Variants in SCP2 observed in about 807,000 individuals in gnomAD.
SCP2 encodes the protein SCP-2/3-oxoacyl-CoA thiolase.
In SCP2, 48 loss-of-function variants were observed where a neutral mutation model predicts 71.4. The observed-to-expected ratio is 0.67, with a 90% CI of 0.53 to 0.86. The LOEUF is 0.86. Ranked by LOEUF, SCP2 falls within the 40% of genes least tolerant of loss-of-function variation. SCP2 has a pLI of 0.00. For missense variants in SCP2, 560 were observed against 655.6 expected, an observed-to-expected ratio of 0.85 and a Z score of 1.59; for synonymous variants, 220 against 218.1, an observed-to-expected ratio of 1.01 and a Z score of -0.08.
At chr1:53,024,094 T>C (rs1374697783) in intron 12 of SCP2, among the ~76,000 whole-genome samples, 2 of 152,204 alleles carry the variant, frequency 1.3e-5, no homozygotes, top group Non-Finnish European at 1.5e-5. Context: ...CTGTTCTGAT[T>C]TGTTCATCTT....
intron 12 of SCP2, among the ~76,000 whole-genome samples, chr1:53,027,255 A>G (rs1662198722): frequency 6.6e-6 from 1 of 152,048 alleles, no homozygotes. Flanking sequence ...GGGTTTCAAC[A>G]TGTTGCCCAG....
chr1:53,019,204 G>A (rs2150233696), intron 12 of SCP2, among the ~76,000 whole-genome samples: 1 of 152,246 alleles, frequency 6.6e-6, no homozygotes, highest in Non-Finnish European at 1.5e-5. Context: ...CTGAAAAGTT[G>A]CTGTTCTTTT....
intron 10 of SCP2, among the ~76,000 whole-genome samples, chr1:52,982,700 A>G (rs7544995): frequency 0.31 from 47,061 of 152,126 alleles, 12,025 homozygotes; most frequent in African/African-American, 0.7. Flanking sequence ...CCTTGCAACC[A>G]TATAGGTCCA....
chr1:52,943,380 G>A (rs1229439529), intron 2 of SCP2, among the ~76,000 whole-genome samples: 5 of 151,928 alleles, frequency 3.3e-5, no homozygotes, highest in Non-Finnish European at 5.9e-5. Context: ...CCCCCACCTT[G>A]CCCAGCTAAT....
chr1:52,975,235 C>T (rs1657852945), intron 7 of SCP2, among the ~76,000 whole-genome samples: 1 of 151,910 alleles, frequency 6.6e-6, no homozygotes, highest in African/African-American at 2.4e-5. Flanking sequence ...GGCTGGAATG[C>T]AGTGGCATGA....
intron 6 of SCP2, among the ~76,000 whole-genome samples, chr1:52,973,636 C>T (rs1348047263): frequency 6.6e-6 from 1 of 152,166 alleles, no homozygotes; most frequent in Non-Finnish European, 1.5e-5. Context: ...TGCAATGGCA[C>T]AATCTCGGCT....
chr1:52,982,309 G>GC (rs1250111701), intron 10 of SCP2, among the ~76,000 whole-genome samples: 1 of 152,178 alleles, frequency 6.6e-6, no homozygotes, highest in Non-Finnish European at 1.5e-5. Flanking sequence ...GGTGGCTCAG[G>GC]CCTATAATCC....
chr1:52,944,797 G>A (rs572589082), intron 2 of SCP2, among the ~76,000 whole-genome samples: 22 of 151,936 alleles, frequency 1.4e-4, no homozygotes, highest in African/African-American at 4.6e-4. Context: ...CGAGGTGGGC[G>A]GAGCACCTGA....
At chr1:52,927,748 G>C (rs1652600983) in intron 1 of SCP2, among the ~76,000 whole-genome samples, 2 of 152,146 alleles carry the variant, frequency 1.3e-5, no homozygotes, top group South Asian at 4.2e-4. Context: ...GGAGTCCCGA[G>C]GTGTGTGGGC....
chr1:52,966,325 T>A (rs1390374131), intron 6 of SCP2, among the ~76,000 whole-genome samples: 1 of 151,922 alleles, frequency 6.6e-6, no homozygotes, highest in Non-Finnish European at 1.5e-5. Flanking sequence ...GGGTATTGAA[T>A]TTTGTAGCTT....
At chr1:52,981,304 T>C in intron 10 of SCP2, among the ~76,000 whole-genome samples, 1 of 152,358 alleles carries the variant, frequency 6.6e-6, no homozygotes, top group South Asian at 2.1e-4. Context: ...CCTGTGCTGA[T>C]AATGACAGCC....
chr1:53,038,558 C>A (rs1375642398), intron 13 of SCP2, among the ~76,000 whole-genome samples: 1 of 152,032 alleles, frequency 6.6e-6, no homozygotes, highest in African/African-American at 2.4e-5. Flanking sequence ...GCATGCACCA[C>A]CATGCCTGGC....
At chr1:52,944,126 C>CT (rs1434174092) in intron 2 of SCP2, among the ~76,000 whole-genome samples, 7 of 152,120 alleles carry the variant, frequency 4.6e-5, no homozygotes, top group African/African-American at 1.7e-4. Flanking sequence ...ACCTGGAGAC[C>CT]TTCTCTTTCA....
At chr1:52,929,959 G>A (rs1652987987) in intron 1 of SCP2, among the ~76,000 whole-genome samples, 2 of 152,112 alleles carry the variant, frequency 1.3e-5, no homozygotes, top group Admixed American at 6.5e-5. Context: ...CACAGCTGCC[G>A]TCTGGCTGAC....
At chr1:52,974,228 C>T (rs1657744743) in intron 6 of SCP2, among the ~76,000 whole-genome samples, 1 of 151,964 alleles carries the variant, frequency 6.6e-6, no homozygotes, top group Non-Finnish European at 1.5e-5. Context: ...TACCTCATTA[C>T]TGTACTTTTT....
intron 6 of SCP2, among the ~76,000 whole-genome samples, chr1:52,972,596 G>T (rs755137682): frequency 6.6e-6 from 1 of 152,154 alleles, no homozygotes; most frequent in Non-Finnish European, 1.5e-5. Flanking sequence ...CAAGGAATTT[G>T]TCACCAACTG....
intron 12 of SCP2, among the ~76,000 whole-genome samples, chr1:53,015,346 G>GCCTT (rs1572188879): frequency 1.3e-5 from 2 of 152,186 alleles, no homozygotes; most frequent in African/African-American, 4.8e-5. Flanking sequence ...TCTCCTCATG[G>GCCTT]CCTTCCAGGC....
intron 1 of SCP2, among the ~76,000 whole-genome samples, chr1:52,935,671 C>G (rs1316907287): frequency 6.6e-6 from 1 of 151,696 alleles, no homozygotes; most frequent in African/African-American, 2.4e-5. Context: ...TAGTGAGTGG[C>G]TCATGCCTGT....
At chr1:53,050,456 G>A (rs1484078819) in intron 15 of SCP2, 153 bp from the exon 16 acceptor site, 3 of 608,912 alleles carry the variant, frequency 4.9e-6, no homozygotes, top group Non-Finnish European at 8.8e-6. Context: ...GAAGAATGTG[G>A]TTCCAAATCT....
Sources: gnomAD v4.1 joint callset for allele counts (sites outside exome capture counted in the v4.1 genomes callset) on GRCh38, gnomAD v4.1.1 for gene constraint, MANE v1.5 for transcripts, NCBI Gene and HGNC (gene_info 2026-07-23, HGNC 2026-07-21) for gene names.